KCNN2: variants seen among roughly 807,000 people sequenced by gnomAD.
The protein encoded by KCNN2 is small conductance calcium-activated potassium channel protein 2.
A neutral mutation model predicts 55.5 loss-of-function variants in KCNN2; 24 were observed. That is an observed-to-expected ratio of 0.43 (90% CI 0.31 to 0.61). The LOEUF is 0.61. Ranked by LOEUF, KCNN2 falls within the 20% of genes least tolerant of loss-of-function variation. The pLI, the probability that KCNN2 is intolerant of heterozygous loss-of-function variation, is 0.08. For synonymous variants in KCNN2, 431 were observed against 336.1 expected (o/e 1.28, Z -3.09); for missense variants, 754 against 853.6 (o/e 0.88, Z 1.45).
At chr5:114,334,359 C>T (rs1756879862) in intron 2 of KCNN2, among the ~76,000 whole-genome samples, 1 of 150,278 alleles carries the variant, frequency 6.7e-6, no homozygotes, top group Admixed American at 6.7e-5. Flanking sequence ...GGTTACTTAA[C>T]TTCTCTGAGC....
At chr5:114,099,319 G>A (rs1580511522) in intron 1 of KCNN2, among the ~76,000 whole-genome samples, 1 of 152,142 alleles carries the variant, frequency 6.6e-6, no homozygotes, top group African/African-American at 2.4e-5. Flanking sequence ...ATCACCAATT[G>A]CTAGAACTGA....
chr5:114,175,267 T>A (rs774893168), intron 1 of KCNN2, among the ~76,000 whole-genome samples: 1 of 152,206 alleles, frequency 6.6e-6, no homozygotes. Context: ...GTATATGTAT[T>A]ACAAAGTTTC....
intron 1 of KCNN2, among the ~76,000 whole-genome samples, chr5:114,112,334 G>C (rs1170936930): frequency 6.6e-6 from 1 of 152,106 alleles, no homozygotes; most frequent in Non-Finnish European, 1.5e-5. Flanking sequence ...GTTTGGAGGT[G>C]GGGGGCTGGG....
intron 2 of KCNN2, among the ~76,000 whole-genome samples, chr5:114,269,240 T>C (rs1256025455): frequency 6.6e-6 from 1 of 152,160 alleles, no homozygotes; most frequent in African/African-American, 2.4e-5. Flanking sequence ...TATTTTGAAT[T>C]GTCTTTGACT....
intron 2 of KCNN2, among the ~76,000 whole-genome samples, chr5:114,249,286 C>CTTTTT (rs375457994): frequency 9.9e-6 from 1 of 101,494 alleles, no homozygotes; most frequent in Non-Finnish European, 2.0e-5. Context: ...TTCTTTCTTT[C>CTTTTT]TTTCTTTTTT....
intron 1 of KCNN2, among the ~76,000 whole-genome samples, chr5:114,206,773 T>G (rs1037210766): frequency 6.6e-6 from 1 of 151,746 alleles, no homozygotes; most frequent in African/African-American, 2.4e-5. Flanking sequence ...CTTTTTTTTT[T>G]TGTCCAGGGA....
At chr5:114,407,931 C>A (rs2125146) in intron 3 of KCNN2, among the ~76,000 whole-genome samples, 38,298 of 152,082 alleles carry the variant, frequency 0.25, 4,971 homozygotes, top group Non-Finnish European at 0.28. Flanking sequence ...TGCCAGGTTG[C>A]GAAAGAACAG....
chr5:114,293,996 T>C (rs1425243069), intron 2 of KCNN2, among the ~76,000 whole-genome samples: 1 of 152,232 alleles, frequency 6.6e-6, no homozygotes, highest in Non-Finnish European at 1.5e-5. Context: ...GTTTGTAGTA[T>C]TCTCCGATGG....
At chr5:114,466,915 A>G (rs1440053041) in intron 4 of KCNN2, among the ~76,000 whole-genome samples, 1 of 152,200 alleles carries the variant, frequency 6.6e-6, no homozygotes, top group Non-Finnish European at 1.5e-5. Context: ...AGCAATGCGT[A>G]AAGCTTTCGC....
chr5:114,139,459 A>AC (rs141649479), intron 1 of KCNN2, among the ~76,000 whole-genome samples: 55,464 of 138,710 alleles, frequency 0.4, 12,044 homozygotes, highest in Non-Finnish European at 0.51. Context: ...TCACACAACC[A>AC]CCCCCCCCAC....
intron 2 of KCNN2, among the ~76,000 whole-genome samples, chr5:114,326,333 A>C (rs903348037): frequency 6.6e-6 from 1 of 152,160 alleles, no homozygotes; most frequent in South Asian, 2.1e-4. Flanking sequence ...CAGAAGGCTG[A>C]AAGTGGGAGG....
chr5:114,436,256 G>A (rs1235318310), intron 3 of KCNN2, among the ~76,000 whole-genome samples: 1 of 152,168 alleles, frequency 6.6e-6, no homozygotes, highest in African/African-American at 2.4e-5. Flanking sequence ...ATTGGGTTTT[G>A]AAGTATTTTT....
intron 1 of KCNN2, among the ~76,000 whole-genome samples, chr5:114,164,143 T>C (rs889609066): frequency 7.9e-5 from 12 of 152,188 alleles, no homozygotes; most frequent in African/African-American, 2.9e-4. Flanking sequence ...TATTACTCTC[T>C]GGTGAAATGT....
intron 1 of KCNN2, among the ~76,000 whole-genome samples, chr5:114,134,629 C>T (rs935360208): frequency 2.6e-5 from 4 of 151,960 alleles, no homozygotes; most frequent in Admixed American, 6.6e-5. Flanking sequence ...GCGCCTGCCA[C>T]GGCTCCCGGC....
intron 1 of KCNN2, among the ~76,000 whole-genome samples, chr5:114,158,962 G>A (rs1018566594): frequency 2.0e-5 from 3 of 152,126 alleles, no homozygotes; most frequent in Non-Finnish European, 2.9e-5. Context: ...GGGACAATTT[G>A]ACTTCCTCTT....
chr5:114,495,105 A>T (rs4435855), intron 7 of KCNN2, among the ~76,000 whole-genome samples: 25,075 of 152,086 alleles, frequency 0.16, 2,915 homozygotes, highest in East Asian at 0.57. Flanking sequence ...AATCAGAGTT[A>T]TGGATACCCT....
chr5:114,106,782 G>A (rs1751493691), intron 1 of KCNN2, among the ~76,000 whole-genome samples: 1 of 151,462 alleles, frequency 6.6e-6, no homozygotes, highest in South Asian at 2.1e-4. Flanking sequence ...TATTCTGGGA[G>A]TCTTCTATCA....
At chr5:114,463,831 C>T (rs535879914) in intron 4 of KCNN2, among the ~76,000 whole-genome samples, 9 of 152,246 alleles carry the variant, frequency 5.9e-5, no homozygotes, top group Non-Finnish European at 1.2e-4. Context: ...GAGAAATCAT[C>T]ACTAGAAAAT....
chr5:114,168,316 T>C (rs1186413827), intron 1 of KCNN2, among the ~76,000 whole-genome samples: 20 of 152,052 alleles, frequency 1.3e-4, no homozygotes, highest in Non-Finnish European at 2.9e-5. Context: ...TTTACTTTAA[T>C]AAGACAAGTT....
Sources: allele counts gnomAD v4.1 joint callset (sites outside exome capture counted in the v4.1 genomes callset), GRCh38; gene constraint gnomAD v4.1.1; transcripts MANE v1.5; gene names NCBI Gene and HGNC (gene_info 2026-07-23, HGNC 2026-07-21).